Variants in CLSTN2 observed in about 807,000 individuals in gnomAD.
The protein encoded by CLSTN2 is calsyntenin 2, also known as calsyntenin-2.
CLSTN2 carries 48 observed loss-of-function variants against 101.2 expected under a neutral mutation model. The ratio of observed to expected loss-of-function variants is 0.47; its 90% CI spans 0.38 to 0.60. CLSTN2 has a LOEUF of 0.60. Among genes scored for constraint, CLSTN2 ranks in the 20% least tolerant of loss-of-function variants. The pLI is 0.00. For synonymous variants in CLSTN2, 481 were observed against 463.6 expected (o/e 1.04, Z -0.48); for missense variants, 1,160 against 1,238.2 (o/e 0.94, Z 0.95).
chr3:140,546,009 C>T (rs1047584153), intron 9 of CLSTN2, among the ~76,000 whole-genome samples: 1 of 152,198 alleles, frequency 6.6e-6, no homozygotes, highest in African/African-American at 2.4e-5. Context: ...CAAATGCGAG[C>T]TTTGAGGTCA....
intron 1 of CLSTN2, among the ~76,000 whole-genome samples, chr3:139,942,448 T>C (rs890667713): frequency 9.9e-5 from 15 of 152,086 alleles, no homozygotes; most frequent in African/African-American, 1.9e-4. Flanking sequence ...GGTTATTCAT[T>C]TGGGTTAAAT....
At chr3:139,957,566 T>G (rs1935430581) in intron 1 of CLSTN2, among the ~76,000 whole-genome samples, 1 of 152,304 alleles carries the variant, frequency 6.6e-6, no homozygotes, top group African/African-American at 2.4e-5. Context: ...GGCTCATGTC[T>G]TAATTCATAC....
intron 2 of CLSTN2, among the ~76,000 whole-genome samples, chr3:140,363,221 A>C (rs948412859): frequency 3.9e-5 from 6 of 152,234 alleles, no homozygotes; most frequent in Non-Finnish European, 5.9e-5. Flanking sequence ...AAAGAAGTTA[A>C]TCACAGTAGA....
chr3:140,243,125 AG>A (rs1347979094), intron 2 of CLSTN2, among the ~76,000 whole-genome samples: 3 of 152,192 alleles, frequency 2.0e-5, no homozygotes, highest in Non-Finnish European at 4.4e-5. Flanking sequence ...CTGGGAATAA[AG>A]GCCTTCTCAA....
intron 2 of CLSTN2, among the ~76,000 whole-genome samples, chr3:140,323,156 CCCCAGCAGTGGCTT>C (rs1248779657): frequency 1.3e-5 from 2 of 152,158 alleles, no homozygotes; most frequent in Non-Finnish European, 2.9e-5. Context: ...GAGCAGGCCT[CCCCAGCAGTGGCTT>C]CCCAGCAGTG....
chr3:140,254,096 A>G (rs548408117), intron 2 of CLSTN2, among the ~76,000 whole-genome samples: 11 of 151,940 alleles, frequency 7.2e-5, no homozygotes, highest in Non-Finnish European at 1.2e-4. Context: ...GGAAGGAGAG[A>G]CTCTTTACAA....
intron 1 of CLSTN2, among the ~76,000 whole-genome samples, chr3:139,966,560 T>C (rs990945705): frequency 2.6e-5 from 4 of 152,180 alleles, no homozygotes; most frequent in Non-Finnish European, 5.9e-5. Flanking sequence ...GCCTCACCCC[T>C]TTTAGAAAGT....
chr3:140,341,698 C>T (rs901410758), intron 2 of CLSTN2, among the ~76,000 whole-genome samples: 9 of 152,092 alleles, frequency 5.9e-5, no homozygotes, highest in Non-Finnish European at 1.2e-4. Flanking sequence ...AGTGGGCCCC[C>T]GGGGGCCCCA....
At chr3:140,300,612 T>C (rs1026591622) in intron 2 of CLSTN2, among the ~76,000 whole-genome samples, 1 of 152,096 alleles carries the variant, frequency 6.6e-6, no homozygotes, top group African/African-American at 2.4e-5. Context: ...TGAATGTAGA[T>C]CTGAAGAATA....
chr3:140,022,663 T>C (rs1439735052), intron 1 of CLSTN2, among the ~76,000 whole-genome samples: 3 of 152,160 alleles, frequency 2.0e-5, no homozygotes, highest in African/African-American at 7.2e-5. Flanking sequence ...ATTTCACCCA[T>C]GGTGCTGCTG....
intron 1 of CLSTN2, among the ~76,000 whole-genome samples, chr3:139,948,673 T>G (rs1935248808): frequency 6.6e-6 from 1 of 152,124 alleles, no homozygotes; most frequent in Non-Finnish European, 1.5e-5. Flanking sequence ...TACAGTGCTT[T>G]TACTCACATT....
chr3:140,298,134 A>G (rs1164269533), intron 2 of CLSTN2, among the ~76,000 whole-genome samples: 2 of 152,172 alleles, frequency 1.3e-5, no homozygotes, highest in Non-Finnish European at 2.9e-5. Context: ...AATAAACTAA[A>G]TACATAGTGA....
At chr3:140,380,506 T>A (rs1434728790) in intron 2 of CLSTN2, among the ~76,000 whole-genome samples, 10 of 152,246 alleles carry the variant, frequency 6.6e-5, no homozygotes. Context: ...CTGCAATTCA[T>A]CCAAGTTTTG....
chr3:140,277,032 A>G (rs1426767502), intron 2 of CLSTN2, among the ~76,000 whole-genome samples: 2 of 152,210 alleles, frequency 1.3e-5, no homozygotes, highest in African/African-American at 4.8e-5. Flanking sequence ...GGATTAGAGT[A>G]GTCTGAGGGG....
intron 1 of CLSTN2, among the ~76,000 whole-genome samples, chr3:140,106,289 C>T (rs2009057580): frequency 1.3e-5 from 2 of 152,124 alleles, no homozygotes; most frequent in African/African-American, 4.8e-5. Context: ...ACAGCTGATC[C>T]TAGGAACCTC....
At chr3:139,942,339 C>G (rs991807165) in intron 1 of CLSTN2, among the ~76,000 whole-genome samples, 6 of 152,176 alleles carry the variant, frequency 3.9e-5, no homozygotes. Flanking sequence ...AGGAGGCAGC[C>G]TTCTGCACTG....
intron 1 of CLSTN2, among the ~76,000 whole-genome samples, chr3:140,000,981 G>A (rs2006823362): frequency 6.6e-6 from 1 of 152,120 alleles, no homozygotes; most frequent in South Asian, 2.1e-4. Context: ...TTGTTGGACT[G>A]CAAGGATGGC....
chr3:140,004,913 T>A (rs2006923669), intron 1 of CLSTN2, among the ~76,000 whole-genome samples: 1 of 152,220 alleles, frequency 6.6e-6, no homozygotes, highest in Non-Finnish European at 1.5e-5. Context: ...GTTCTCCACA[T>A]ATTGTCCATA....
At chr3:140,388,642 A>G (rs564963389) in intron 2 of CLSTN2, among the ~76,000 whole-genome samples, 28 of 152,344 alleles carry the variant, frequency 1.8e-4, no homozygotes, top group African/African-American at 6.3e-4. Flanking sequence ...ACATTGGGCA[A>G]GTTTCTTCGC....
Sources: allele counts gnomAD v4.1 joint callset (sites outside exome capture counted in the v4.1 genomes callset), GRCh38; gene constraint gnomAD v4.1.1; transcripts MANE v1.5; gene names NCBI Gene and HGNC (gene_info 2026-07-23, HGNC 2026-07-21).